CSMD1: variants seen among roughly 807,000 people sequenced by gnomAD.
CSMD1 encodes the protein CUB and Sushi multiple domains 1.
Under a neutral mutation model 417.5 loss-of-function variants are expected in CSMD1, and 213 were observed. The ratio of observed to expected loss-of-function variants is 0.51; its 90% CI spans 0.46 to 0.57. The LOEUF is 0.57. Among genes scored for constraint, CSMD1 ranks in the 20% least tolerant of loss-of-function variants. The pLI is 0.00. For synonymous variants in CSMD1, 2,862 were observed against 1,736.8 expected, an observed-to-expected ratio of 1.65 and a Z score of -16.11; for missense variants, 6,923 against 4,529.7, an observed-to-expected ratio of 1.53 and a Z score of -15.17.
intron 28 of CSMD1, among the ~76,000 whole-genome samples, chr8:3,222,730 G>C (rs1042339455): frequency 2.6e-5 from 4 of 152,200 alleles, no homozygotes; most frequent in African/African-American, 9.7e-5. Flanking sequence ...TAGCCAGTGA[G>C]TGTTCACTGG....
intron 1 of CSMD1, among the ~76,000 whole-genome samples, chr8:4,648,106 T>C (rs970885524): frequency 1.2e-4 from 19 of 152,226 alleles, no homozygotes; most frequent in African/African-American, 4.3e-4. Flanking sequence ...ATAATTGCCA[T>C]TCTGACTGGC....
At chr8:4,039,273 C>A (rs975268744) in intron 3 of CSMD1, among the ~76,000 whole-genome samples, 1 of 152,100 alleles carries the variant, frequency 6.6e-6, no homozygotes, top group Non-Finnish European at 1.5e-5. Flanking sequence ...AATATAACTC[C>A]AAATTCCTTC....
At chr8:4,363,629 C>T (rs568362667) in intron 3 of CSMD1, among the ~76,000 whole-genome samples, 91 of 152,300 alleles carry the variant, frequency 6.0e-4, no homozygotes, top group African/African-American at 2.0e-3. Context: ...CTGGGAAGGA[C>T]GGTGCCAGGA....
At chr8:4,901,808 T>G (rs894110482) in intron 1 of CSMD1, among the ~76,000 whole-genome samples, 1 of 152,150 alleles carries the variant, frequency 6.6e-6, no homozygotes, top group African/African-American at 2.4e-5. Context: ...TGTGATTACA[T>G]ATTCTCAAAG....
At chr8:4,390,663 C>G (rs920038393) in intron 3 of CSMD1, among the ~76,000 whole-genome samples, 1 of 151,682 alleles carries the variant, frequency 6.6e-6, no homozygotes, top group Non-Finnish European at 1.5e-5. Flanking sequence ...ACAGGCACCC[C>G]CCACCACGCC....
intron 2 of CSMD1, 60 bp downstream of exon 2, chr8:4,637,282 G>T: frequency 2.2e-6 from 3 of 1,372,168 alleles, no homozygotes; most frequent in East Asian, 2.3e-5. Flanking sequence ...ATTCCAACTA[G>T]ATTTCATAAT....
chr8:4,993,389 T>TCTGACTCTCTCCCTCTTTCTCGCC (rs1811581340), intron 1 of CSMD1, among the ~76,000 whole-genome samples: 1 of 151,558 alleles, frequency 6.6e-6, no homozygotes, highest in South Asian at 2.1e-4. Flanking sequence ...TCTCTCTCTC[T>TCTGACTCTCTCCCTCTTTCTCGCC]CTGTCTCTCT....
At chr8:2,947,028 A>C (rs546792259) in intron 68 of CSMD1, among the ~76,000 whole-genome samples, 1 of 152,226 alleles carries the variant, frequency 6.6e-6, no homozygotes. Flanking sequence ...CTTTAGAGAC[A>C]TATCTATTCA....
At chr8:2,969,409 T>C (rs992156730) in intron 57 of CSMD1, among the ~76,000 whole-genome samples, 1 of 152,178 alleles carries the variant, frequency 6.6e-6, no homozygotes, top group Admixed American at 6.6e-5. Context: ...AGCTTGAGCC[T>C]ATGATTAAAA....
intron 18 of CSMD1, among the ~76,000 whole-genome samples, chr8:3,378,807 G>C (rs1810467603): frequency 6.6e-6 from 1 of 152,130 alleles, no homozygotes; most frequent in South Asian, 2.1e-4. Flanking sequence ...ATGGGCAAAA[G>C]CTGGAAGCAT....
chr8:4,237,012 G>A (rs186942935), intron 3 of CSMD1, among the ~76,000 whole-genome samples: 2 of 152,226 alleles, frequency 1.3e-5, no homozygotes, highest in Non-Finnish European at 2.9e-5. Context: ...CTTAAATCGC[G>A]CTCCATTGCT....
At chr8:4,756,774 G>C (rs1038241917) in intron 1 of CSMD1, among the ~76,000 whole-genome samples, 1 of 152,150 alleles carries the variant, frequency 6.6e-6, no homozygotes, top group Non-Finnish European at 1.5e-5. Flanking sequence ...GAGTCATCTT[G>C]GGCATTTTAG....
intron 12 of CSMD1, among the ~76,000 whole-genome samples, chr8:3,450,841 G>A (rs1056901017): frequency 2.0e-5 from 3 of 151,762 alleles, no homozygotes; most frequent in Non-Finnish European, 4.4e-5. Flanking sequence ...GTAATGGGAT[G>A]GCTGGGTCAA....
intron 4 of CSMD1, among the ~76,000 whole-genome samples, chr8:4,004,651 T>G (rs745512023): frequency 1.3e-5 from 2 of 152,194 alleles, no homozygotes; most frequent in African/African-American, 4.8e-5. Flanking sequence ...AATAAATTTG[T>G]GTATGAAATA....
intron 5 of CSMD1, among the ~76,000 whole-genome samples, chr8:3,782,911 A>C (rs997519108): frequency 6.6e-6 from 1 of 152,328 alleles, no homozygotes; most frequent in African/African-American, 2.4e-5. Flanking sequence ...TAAATAAATA[A>C]AACTGTGGTT....
intron 1 of CSMD1, among the ~76,000 whole-genome samples, chr8:4,881,237 T>A (rs1057491427): frequency 6.6e-6 from 1 of 152,174 alleles, no homozygotes; most frequent in Non-Finnish European, 1.5e-5. Flanking sequence ...TACTTCTCAC[T>A]GAGTTATCAA....
At chr8:3,058,006 G>T (rs1412084856) in intron 49 of CSMD1, among the ~76,000 whole-genome samples, 1 of 152,106 alleles carries the variant, frequency 6.6e-6, no homozygotes, top group Non-Finnish European at 1.5e-5. Flanking sequence ...CGCCCAGTCG[G>T]CTTATTCTCA....
At chr8:4,537,100 G>C (rs889139268) in intron 2 of CSMD1, among the ~76,000 whole-genome samples, 3 of 152,068 alleles carry the variant, frequency 2.0e-5, no homozygotes, top group African/African-American at 7.2e-5. Context: ...AGGGAAATGT[G>C]AACTATTTTC....
At chr8:3,284,390 A>G in intron 25 of CSMD1, 44 bp from the exon 26 acceptor site, 3 of 1,460,298 alleles carry the variant, frequency 2.1e-6, no homozygotes, top group South Asian at 1.2e-5. Context: ...TGCATCGAGC[A>G]TGTCCTGACC....
Sources: gnomAD v4.1 joint callset for allele counts (sites outside exome capture counted in the v4.1 genomes callset) on GRCh38, gnomAD v4.1.1 for gene constraint, MANE v1.5 for transcripts, NCBI Gene and HGNC (gene_info 2026-07-23, HGNC 2026-07-21) for gene names.